Variants in SMYD3 observed in about 807,000 individuals in gnomAD.
SMYD3 encodes SET and MYND domain containing 3.
A neutral mutation model predicts 57.7 loss-of-function variants in SMYD3; 36 were observed. That is an observed-to-expected ratio of 0.62 (90% CI 0.48 to 0.82). The LOEUF is 0.82. SMYD3 is among the 40% of genes least tolerant of loss of function. The probability of loss-of-function intolerance (pLI) is 0.00; values close to 1 mark genes in which losing one functional copy is unlikely to be tolerated. For missense variants in SMYD3, 515 were observed against 538.8 expected (o/e 0.96, Z 0.44); for synonymous variants, 211 against 195.0 (o/e 1.08, Z -0.68).
intron 5 of SMYD3, among the ~76,000 whole-genome samples, chr1:245,994,312 C>T (rs2058878808): frequency 2.0e-5 from 3 of 152,118 alleles, no homozygotes; most frequent in Admixed American, 2.0e-4. Context: ...TCGGATGTGC[C>T]CTGTGTGTTT....
intron 8 of SMYD3, among the ~76,000 whole-genome samples, 174 bp downstream of exon 8, chr1:245,915,356 G>C (rs1311492214): frequency 6.6e-6 from 1 of 152,114 alleles, no homozygotes; most frequent in African/African-American, 2.4e-5. Context: ...CTTGGTGGGT[G>C]ACAAAAGTTC....
Position 245,977,049 on chromosome 1 carries a change from G to GCCCAGGGAAAGCCATCGTCTCTA in SMYD3, c.532-47113_532-47112insTAGAGACGATGGCTTTCCCTGGG, listed in dbSNP as rs1558551460. Among the ~76,000 whole-genome samples the GCCCAGGGAAAGCCATCGTCTCTA allele has an allele frequency of 9.0e-4, 9 of 10,006 alleles. 1 individual carries two copies. The highest frequency in any genetic ancestry group is 2.2e-3 in the Non-Finnish European group (5 of 2,254). The allele number at this position is 10,006 out of a possible 152,430, so 6.6% of individuals were successfully genotyped here. On this transcript the variant is annotated intron_variant, in intron 5 of 11. Coordinates refer to ENST00000490107, the MANE Select transcript of SMYD3 (RefSeq NM_001167740.2). The stretch of plus-strand genomic sequence containing the variant: ...TAGCCCAGGGAAAGCCATCGTCTCC[G>GCCCAGGGAAAGCCATCGTCTCTA]GCCCAGGGAAAGCCATCGTCTCTAG...
intron 5 of SMYD3, among the ~76,000 whole-genome samples, chr1:246,102,586 T>C (rs1163106432): frequency 6.6e-6 from 1 of 152,036 alleles, no homozygotes; most frequent in Non-Finnish European, 1.5e-5. Flanking sequence ...CTCTCTTGTT[T>C]TCACCGGCTA....
chr1:246,371,375 A>C (rs948303012), intron 1 of SMYD3, among the ~76,000 whole-genome samples: 2 of 152,196 alleles, frequency 1.3e-5, no homozygotes, highest in African/African-American at 4.8e-5. Context: ...TCTAGTAACA[A>C]CACCCGTCCC....
rs962664534 is a variant in SMYD3 at position 245,758,442 on chromosome 1, C to T, written c.1185+5599G>A. ...CTCTTTTTCTTTTCTTTCTGGGACTCCAATGTTAGATCTTTTGTTACTGAT... is the reference window on the plus strand; with the variant it reads ...CTCTTTTTCTTTTCTTTCTGGGACTTCAATGTTAGATCTTTTGTTACTGAT... On this transcript the variant is annotated intron_variant, in intron 11 of 11. Coordinates refer to ENST00000490107, the MANE Select transcript of SMYD3 (RefSeq NM_001167740.2). Among the ~76,000 whole-genome samples, 3 of 152,114 alleles carry T rather than the reference C, an allele frequency of 2.0e-5. No individual in the cohort carries two copies. The East Asian group carries it at 5.8e-4, about 29-fold the overall frequency.
intron 1 of SMYD3, among the ~76,000 whole-genome samples, chr1:246,500,830 G>A (rs1013369904): frequency 6.6e-6 from 1 of 152,164 alleles, no homozygotes; most frequent in Admixed American, 6.5e-5. Flanking sequence ...GCATTCACAT[G>A]GACCAAATGT....
At chr1:246,103,886 T>A (rs528483448) in intron 5 of SMYD3, among the ~76,000 whole-genome samples, 3 of 152,302 alleles carry the variant, frequency 2.0e-5, no homozygotes, top group African/African-American at 7.2e-5. Context: ...GCTCATGCTT[T>A]TTTCCTTTGA....
At chr1:246,445,933 T>C (rs1403766876) in intron 1 of SMYD3, among the ~76,000 whole-genome samples, 1 of 151,830 alleles carries the variant, frequency 6.6e-6, no homozygotes, top group Non-Finnish European at 1.5e-5. Context: ...TTACTGTACA[T>C]CTGATAAGAC....
At chr1:246,271,608 A>G (rs1431641618) in intron 5 of SMYD3, among the ~76,000 whole-genome samples, 3 of 152,166 alleles carry the variant, frequency 2.0e-5, no homozygotes, top group Non-Finnish European at 2.9e-5. Context: ...ATTTGACCAT[A>G]TAGGTGAGGT....
chr1:245,952,811 C>T (rs2057703935), intron 5 of SMYD3, among the ~76,000 whole-genome samples: 1 of 152,144 alleles, frequency 6.6e-6, no homozygotes, highest in Non-Finnish European at 1.5e-5. Flanking sequence ...GCTGTGAAAA[C>T]GCATACTAAA....
At chr1:245,915,908 T>C (rs1268693754) in intron 7 of SMYD3, among the ~76,000 whole-genome samples, 1 of 152,192 alleles carries the variant, frequency 6.6e-6, no homozygotes, top group Non-Finnish European at 1.5e-5. Flanking sequence ...CACTTTTGTA[T>C]CTTAGTTTTT....
intron 5 of SMYD3, among the ~76,000 whole-genome samples, chr1:245,942,276 A>G (rs12035787): frequency 0.091 from 13,916 of 152,224 alleles, 936 homozygotes; most frequent in East Asian, 0.24. Context: ...ATAAAGGGAT[A>G]CAGGAAAATT....
chr1:245,869,568 G>A (rs987045968), intron 8 of SMYD3, among the ~76,000 whole-genome samples: 5 of 152,104 alleles, frequency 3.3e-5, no homozygotes, highest in Non-Finnish European at 7.3e-5. Context: ...CAGTACAATC[G>A]TAGAGCTAGT....
chr1:245,946,926 T>C (rs1434294029), intron 5 of SMYD3, among the ~76,000 whole-genome samples: 7 of 152,218 alleles, frequency 4.6e-5, no homozygotes, highest in African/African-American at 1.7e-4. Context: ...TCCTGACTAT[T>C]GGCCATATTT....
In SMYD3 at chr1:246,282,305, CAAAAAAAAAAAAAAAAAAAAAAA is replaced by C. The variant is rs57740230; in HGVS notation, c.531+44873_531+44895del. 7.4e-5 allele frequency among the ~76,000 whole-genome samples: 5 copies of C among 67,932 alleles called. No individual in the cohort carries two copies. The East Asian group carries it at 1.6e-3, about 21-fold the overall frequency. The allele number at this position is 67,932 out of a possible 152,430, so 44.6% of individuals were successfully genotyped here. Reference sequence around the variant, plus strand: ...CAACATGGCAAGACCCTCATCTCTACAAAAAAAAAAAAAAAAAAAAAAAAAAAAAAAAAAAGCAAAAAAATTAG... The same window carrying C: ...CAACATGGCAAGACCCTCATCTCTACAAAAAAAAAAAAGCAAAAAAATTAG... On this transcript the variant is annotated intron_variant, in intron 5 of 11. Coordinates refer to ENST00000490107, the MANE Select transcript of SMYD3 (RefSeq NM_001167740.2).
intron 1 of SMYD3, among the ~76,000 whole-genome samples, chr1:246,499,434 A>G (rs1183134547): frequency 1.3e-5 from 2 of 150,818 alleles, no homozygotes; most frequent in African/African-American, 2.4e-5. Context: ...ACATATATAT[A>G]TTTTTGTTAT....
rs1006166148 is a variant in SMYD3, at chr1:246,292,458, A to G, written c.531+34743T>C. ...TAGACTTACTATCCAACACACCAGC[A>G]TCTTAGACTTACTATCCAATACACC... On this transcript the variant is annotated intron_variant, in intron 5 of 11. Transcript: ENST00000490107. 2.2e-4 allele frequency among the ~76,000 whole-genome samples: 33 copies of G among 152,220 alleles called. 1 individual carries two copies. The highest frequency in any genetic ancestry group is 7.2e-4 in the African/African-American group (30 of 41,452).
Position 245,814,889 on chromosome 1 carries a change from T to G in SMYD3, c.1076+43607A>C, listed in dbSNP as rs901485940. ...ACACACACACGCACGCACACACGCA[T>G]GCACACACACACACTCTATCTTCAC... On this transcript the variant is annotated intron_variant, in intron 10 of 11. Coordinates refer to ENST00000490107, the MANE Select transcript of SMYD3 (RefSeq NM_001167740.2). Among the ~76,000 whole-genome samples, 4 of 150,360 alleles carry G rather than the reference T, an allele frequency of 2.7e-5. No homozygotes were observed. The South Asian group carries it at 8.4e-4, about 32-fold the overall frequency.
intron 5 of SMYD3, among the ~76,000 whole-genome samples, chr1:246,194,123 C>T (rs551722184): frequency 3.3e-5 from 5 of 152,258 alleles, no homozygotes; most frequent in African/African-American, 9.6e-5. Flanking sequence ...TGAGCAATGG[C>T]ACTATACTGG....
Sources: allele counts gnomAD v4.1 joint callset (sites outside exome capture counted in the v4.1 genomes callset), GRCh38; gene constraint gnomAD v4.1.1; transcripts MANE v1.5; gene names NCBI Gene and HGNC (gene_info 2026-07-23, HGNC 2026-07-21).